The following PDE5A variants were observed in gnomAD, a reference collection of about 807,000 sequenced individuals.
The protein encoded by PDE5A is cGMP-specific 3',5'-cyclic phosphodiesterase.
In PDE5A, 67 loss-of-function variants were observed where a neutral mutation model predicts 110.2. The ratio of observed to expected loss-of-function variants is 0.61; its 90% confidence interval spans 0.50 to 0.75. The LOEUF is 0.75. Ranked by LOEUF, PDE5A falls within the 30% of genes least tolerant of loss-of-function variation. The pLI, the probability that PDE5A is intolerant of heterozygous loss-of-function variation, is 0.00. For synonymous variants in PDE5A, 328 were observed against 351.2 expected (o/e 0.93, Z 0.74); for missense variants, 862 against 1,045.1 (o/e 0.82, Z 2.42).
At chr4:119,556,741 A>G (rs1727554096) in intron 7 of PDE5A, among the ~76,000 whole-genome samples, 1 of 152,212 alleles carries the variant, frequency 6.6e-6, no homozygotes, top group Admixed American at 6.5e-5. Flanking sequence ...GAGAGACATC[A>G]GGAATGAAAG....
chr4:119,627,663 T>G lies in PDE5A; in HGVS notation c.152+857A>C, dbSNP rs1328094830. ...CTTGTCCCTCTGCTCCCAGTCTCAA[T>G]TCCTCCCCAACTCTCCCGCGAGCGT... is the stretch of plus-strand genomic sequence containing the variant. On this transcript the variant is annotated intron_variant, in intron 1 of 20. Transcript: ENST00000354960. The surrounding 1 kb of genome is among the most constrained non-coding windows in gnomAD (Gnocchi z 4.6). The G allele has an allele frequency of 6.5e-6, 1 of 152,832 alleles. No individual in the cohort carries two copies. Among genetic ancestry groups the G allele is most frequent in the Non-Finnish European group, 1.5e-5 (1 of 68,674 alleles). The allele number at this position is 152,832 out of a possible 1,614,324, so 9.5% of individuals were successfully genotyped here.
intron 3 of PDE5A, among the ~76,000 whole-genome samples, chr4:119,580,978 GC>G (rs1047284379): frequency 1.3e-5 from 2 of 152,176 alleles, no homozygotes; most frequent in African/African-American, 4.8e-5. Flanking sequence ...CCTGCCTGAC[GC>G]CAGGTGTTGG....
Position 119,610,072 on chromosome 4 carries a change from C to T in PDE5A, c.153-2775G>A, listed in dbSNP as rs1729690628. On this transcript the variant is annotated intron_variant, in intron 1 of 20. Transcript: ENST00000354960. ...TACAAATCACAAGCATATACCTACA[C>T]AGATTTTTAAAAACATATAATTGTC... 2.0e-5 allele frequency among the ~76,000 whole-genome samples: 3 copies of T among 152,298 alleles called. No individual in the cohort carries two copies. The South Asian group carries it at 6.2e-4, about 32-fold the overall frequency.
At chr4:119,574,136 C>A (rs1364647134) in intron 3 of PDE5A, among the ~76,000 whole-genome samples, 1 of 151,704 alleles carries the variant, frequency 6.6e-6, no homozygotes, top group African/African-American at 2.4e-5. Flanking sequence ...TTCTACTACT[C>A]CCCACAGGAA....
intron 3 of PDE5A, among the ~76,000 whole-genome samples, chr4:119,587,836 G>T (rs1202077638): frequency 2.6e-5 from 4 of 152,118 alleles, no homozygotes; most frequent in Admixed American, 6.5e-5. Flanking sequence ...GAATAAAACT[G>T]TAACATTTAT....
chr4:119,554,200 T>G (rs973375954), intron 7 of PDE5A, among the ~76,000 whole-genome samples: 1 of 152,086 alleles, frequency 6.6e-6, no homozygotes, highest in Non-Finnish European at 1.5e-5. Flanking sequence ...TTAGAAAAAA[T>G]TTTTAAAGCT....
chr4:119,624,930 C>T lies in PDE5A; in HGVS notation c.152+3590G>A, dbSNP rs539857569. Reference sequence around the variant, plus strand: ...GCCTCAAATTAATTTTTATGCCAACCGACTATGTTCTGAATCATTCAATTG... The same window carrying T: ...GCCTCAAATTAATTTTTATGCCAACTGACTATGTTCTGAATCATTCAATTG... On this transcript the variant is annotated intron_variant, in intron 1 of 20. Coordinates refer to ENST00000354960, the MANE Select transcript of PDE5A (RefSeq NM_001083.4). Among the ~76,000 whole-genome samples the T allele has an allele frequency of 1.2e-3, 183 of 152,000 alleles. 1 individual carries two copies. The highest frequency in any genetic ancestry group is 4.1e-3 in the African/African-American group (168 of 41,440).
At chr4:119,603,375 A>AATACATAC (rs10579225) in intron 2 of PDE5A, among the ~76,000 whole-genome samples, 2 of 148,590 alleles carry the variant, frequency 1.3e-5, no homozygotes, top group African/African-American at 2.5e-5. Flanking sequence ...GCTTAAAATA[A>AATACATAC]ATACATACAT....
intron 14 of PDE5A, among the ~76,000 whole-genome samples, chr4:119,517,564 T>A (rs951478143): frequency 6.6e-6 from 1 of 151,440 alleles, no homozygotes; most frequent in Non-Finnish European, 1.5e-5. Context: ...GATTCTGCAG[T>A]CAATGACTTT....
intron 1 of PDE5A, among the ~76,000 whole-genome samples, chr4:119,615,533 C>T (rs1206614399): frequency 1.3e-5 from 2 of 149,840 alleles, no homozygotes; most frequent in Non-Finnish European, 3.0e-5. Flanking sequence ...TATAGGCCAG[C>T]AACATGCACC....
intron 6 of PDE5A, 80 bp from the exon 7 acceptor site, chr4:119,560,443 G>T: frequency 1.2e-6 from 1 of 810,306 alleles, no homozygotes; most frequent in Non-Finnish European, 1.9e-6. Flanking sequence ...ACATGCTATG[G>T]AATTGACAAA....
At chr4:119,533,417 A>G (rs763186564) in intron 11 of PDE5A, among the ~76,000 whole-genome samples, 12 of 152,178 alleles carry the variant, frequency 7.9e-5, no homozygotes, top group Non-Finnish European at 1.2e-4. Context: ...CGCATGCCCA[A>G]GAGGGGTGTT....
rs1006087143 is a variant in PDE5A, at chr4:119,497,974, G to T, written c.*627C>A. On this transcript the variant is annotated 3_prime_UTR_variant, in exon 21 of 21. Coordinates refer to ENST00000354960, the MANE Select transcript of PDE5A (RefSeq NM_001083.4). ...TACTGCACTGAAGTGACAAAGTTCT[G>T]TCTTGCCTGTTCTCTCACAAAACAG... 3.9e-5 allele frequency: 6 copies of T among 152,168 alleles called. No homozygotes were observed. Among genetic ancestry groups the T allele is most frequent in the Non-Finnish European group, 5.9e-5 (4 of 68,034 alleles). 9.4% of individuals were successfully genotyped at this position (152,168 alleles called of 1,614,324 possible).
At position 119,494,463 on chromosome 4, in the gene PDE5A, G is replaced by T. The variant is rs1229780335; in HGVS notation, c.*4138C>A. On this transcript the variant is annotated 3_prime_UTR_variant, in exon 21 of 21. Coordinates refer to ENST00000354960, the MANE Select transcript of PDE5A (RefSeq NM_001083.4). Reference sequence around the variant, plus strand: ...CAAAATGAGGAAACCACTGACAGGTGAAGAATTTGCACAATGGAAAACCAC... The same window carrying T: ...CAAAATGAGGAAACCACTGACAGGTTAAGAATTTGCACAATGGAAAACCAC... 1 of 152,326 alleles carries T rather than the reference G, an allele frequency of 6.6e-6. No homozygotes were observed. 9.4% of individuals were successfully genotyped at this position (152,326 alleles called of 1,614,324 possible).
intron 3 of PDE5A, among the ~76,000 whole-genome samples, chr4:119,590,888 A>G (rs897048565): frequency 1.3e-5 from 2 of 152,194 alleles, no homozygotes; most frequent in Non-Finnish European, 2.9e-5. Context: ...AGTGTCACTG[A>G]AAGGTACCAG....
chr4:119,566,302 G>T (rs974049229), intron 4 of PDE5A, among the ~76,000 whole-genome samples: 1 of 152,108 alleles, frequency 6.6e-6, no homozygotes, highest in African/African-American at 2.4e-5. Context: ...TGTCTTGTTT[G>T]AACGTCTTCC....
intron 9 of PDE5A, among the ~76,000 whole-genome samples, 182 bp from the exon 10 acceptor site, chr4:119,542,816 T>C (rs1245386468): frequency 2.6e-5 from 4 of 152,104 alleles, no homozygotes; most frequent in Admixed American, 2.6e-4. Flanking sequence ...ATATGAGAAC[T>C]AGTTTCATGT....
chr4:119,600,717 C>T (rs1729316162), intron 2 of PDE5A, among the ~76,000 whole-genome samples: 1 of 152,086 alleles, frequency 6.6e-6, no homozygotes, highest in South Asian at 2.1e-4. Flanking sequence ...GATGTGAATG[C>T]ATGAATGAAG....
chr4:119,604,646 G>GA (rs1395504595), intron 2 of PDE5A, among the ~76,000 whole-genome samples: 3 of 152,170 alleles, frequency 2.0e-5, no homozygotes, highest in South Asian at 4.1e-4. Context: ...AATGGATTCT[G>GA]AAAAAACATT....
Sources: gnomAD v4.1 joint callset for allele counts (sites outside exome capture counted in the v4.1 genomes callset) on GRCh38, gnomAD v4.1.1 for gene constraint, Gnocchi (gnomAD v3.1) non-coding constraint, MANE v1.5 for transcripts, NCBI Gene and HGNC (gene_info 2026-07-23, HGNC 2026-07-21) for gene names.